Variants in BIRC6 observed in about 807,000 individuals in gnomAD.
BIRC6 encodes dual E2 ubiquitin-conjugating enzyme/E3 ubiquitin-protein ligase BIRC6.
BIRC6 carries 98 observed loss-of-function variants against 503.3 expected under a neutral mutation model. That is an observed-to-expected ratio of 0.19 (90% CI 0.17 to 0.23). BIRC6 has a LOEUF of 0.23. Among genes scored for constraint, BIRC6 ranks in the 10% least tolerant of loss-of-function variants. The pLI, the probability that BIRC6 is intolerant of heterozygous loss-of-function variation, is 1.00. For synonymous variants in BIRC6, 2,240 were observed against 2,078.7 expected (o/e 1.08, Z -2.11); for missense variants, 5,360 against 5,806.0 (o/e 0.92, Z 2.50).
intron 32 of BIRC6, among the ~76,000 whole-genome samples, chr2:32,472,097 C>T (rs1015655784): frequency 2.6e-5 from 4 of 152,302 alleles, no homozygotes; most frequent in East Asian, 3.9e-4. Flanking sequence ...AGTCTTGTCT[C>T]GTTCTGTGGC....
At chr2:32,512,717 A>T (rs1282141770) in intron 53 of BIRC6, among the ~76,000 whole-genome samples, 1 of 152,140 alleles carries the variant, frequency 6.6e-6, no homozygotes, top group East Asian at 1.9e-4. Context: ...TTGATGGTTG[A>T]AATTGGTAAG....
intron 23 of BIRC6, among the ~76,000 whole-genome samples, chr2:32,457,214 A>G (rs772325190): frequency 5.9e-5 from 9 of 152,070 alleles, no homozygotes; most frequent in Non-Finnish European, 1.0e-4. Context: ...TATGTTTTAG[A>G]TATACTTTTT....
chr2:32,445,743 A>AAT (rs2045880321), intron 21 of BIRC6, 75 bp downstream of exon 21: 1 of 1,074,314 alleles, frequency 9.3e-7, no homozygotes, highest in Non-Finnish European at 1.2e-6. Flanking sequence ...ACTGTTATTT[A>AAT]ATATATATAT....
At chr2:32,381,574 C>G (rs920668101) in intron 3 of BIRC6, among the ~76,000 whole-genome samples, 6 of 141,504 alleles carry the variant, frequency 4.2e-5, no homozygotes, top group Admixed American at 3.6e-4. Context: ...GAGACAGAGT[C>G]TCACTCTGTA....
intron 44 of BIRC6, among the ~76,000 whole-genome samples, chr2:32,493,207 T>C (rs1305900758): frequency 6.6e-6 from 1 of 152,070 alleles, no homozygotes; most frequent in Non-Finnish European, 1.5e-5. Context: ...TGAAAATCTA[T>C]GTTGAAGTTA....
chr2:32,534,356 A>G (rs926983624), intron 61 of BIRC6, among the ~76,000 whole-genome samples: 3 of 146,832 alleles, frequency 2.0e-5, no homozygotes, highest in African/African-American at 7.6e-5. Context: ...CTTGGGTGAC[A>G]AGAGTGAAAT....
intron 61 of BIRC6, among the ~76,000 whole-genome samples, chr2:32,537,204 T>C (rs866824354): frequency 6.6e-6 from 1 of 152,092 alleles, no homozygotes; most frequent in Non-Finnish European, 1.5e-5. Flanking sequence ...TAACACCCCA[T>C]TGTCAACATT....
rs1198078870 is a variant in BIRC6, at chr2:32,617,996, G to A, written c.*92G>A. On this transcript the variant is annotated 3_prime_UTR_variant, in exon 74 of 74. Transcript: ENST00000421745. Reference sequence around the variant, plus strand: ...TATGTAAGAAACTAATTATGTAATAGGTAATGAAACTGAAACTATACTATG... The same window carrying A: ...TATGTAAGAAACTAATTATGTAATAAGTAATGAAACTGAAACTATACTATG... The A allele has an allele frequency of 7.9e-7, 1 of 1,262,306 alleles. No individual in the cohort carries two copies. Among genetic ancestry groups the A allele is most frequent in the African/African-American group, 1.5e-5 (1 of 66,576 alleles). 78.2% of individuals were successfully genotyped at this position (1,262,306 alleles called of 1,614,324 possible).
At chr2:32,478,593 T>G (rs1043928157) in intron 35 of BIRC6, 42 bp from the exon 36 acceptor site, 1 of 1,539,220 alleles carries the variant, frequency 6.5e-7, no homozygotes, top group Non-Finnish European at 8.8e-7. Flanking sequence ...AAAAAACATG[T>G]AATTGCTATT....
chr2:32,450,079 C>T (rs2046514947), intron 22 of BIRC6, among the ~76,000 whole-genome samples: 2 of 152,146 alleles, frequency 1.3e-5, no homozygotes, highest in South Asian at 4.1e-4. Context: ...GCAGTGAAAT[C>T]TGTTAGGGTG....
rs149443831 is a variant in BIRC6 at position 32,412,651 on chromosome 2, C to G, written c.1478-2118C>G. 4.2e-3 allele frequency among the ~76,000 whole-genome samples: 636 copies of G among 151,886 alleles called. 6 individuals are homozygous for G. Among genetic ancestry groups the G allele is most frequent in the African/African-American group, 0.014 (598 of 41,464 alleles). ...GATACAGTTTTGGAACTTTTTCTTC[C>G]TAGTTATTTTTTTTTTTCTAAACTG... On this transcript the variant is annotated intron_variant, in intron 9 of 73. Coordinates refer to ENST00000421745, the MANE Select transcript of BIRC6 (RefSeq NM_016252.4).
intron 65 of BIRC6, among the ~76,000 whole-genome samples, chr2:32,562,071 G>C (rs2059232251): frequency 6.6e-6 from 1 of 151,916 alleles, no homozygotes. Flanking sequence ...ATTATTTCTA[G>C]ATTTTAACAA....
chr2:32,521,539 G>A (rs1253726366), intron 57 of BIRC6, among the ~76,000 whole-genome samples: 3 of 151,662 alleles, frequency 2.0e-5, no homozygotes, highest in Admixed American at 6.6e-5. Context: ...CGCGATCTCG[G>A]CTCACTGCAA....
chr2:32,562,050 A>G (rs2150717748), intron 65 of BIRC6, among the ~76,000 whole-genome samples: 1 of 152,226 alleles, frequency 6.6e-6, no homozygotes, highest in African/African-American at 2.4e-5. Flanking sequence ...TTAAAAAAAA[A>G]TAAAATTATT....
intron 1 of BIRC6, among the ~76,000 whole-genome samples, chr2:32,364,966 A>T (rs1320929342): frequency 6.6e-6 from 1 of 152,090 alleles, no homozygotes; most frequent in Non-Finnish European, 1.5e-5. Context: ...CGGCATTCCT[A>T]CTCTCAACTA....
At chr2:32,593,306 ACTTAAAC>A (rs2061494613) in intron 66 of BIRC6, among the ~76,000 whole-genome samples, 1 of 152,208 alleles carries the variant, frequency 6.6e-6, no homozygotes. Flanking sequence ...TGTCCTATAT[ACTTAAAC>A]CTTGCTGTAA....
chr2:32,465,028 A>C, intron 25 of BIRC6, 37 bp from the exon 26 acceptor site: 1 of 1,382,326 alleles, frequency 7.2e-7, no homozygotes, highest in Admixed American at 2.2e-5. Context: ...TAGTAATATC[A>C]ATATAAAGTT....
rs965507720 is a variant in BIRC6, at chr2:32,416,178, T to A, written c.2872+15T>A. On this transcript the variant is annotated intron_variant, in intron 10 of 73. Coordinates refer to ENST00000421745, the MANE Select transcript of BIRC6 (RefSeq NM_016252.4). The stretch of plus-strand genomic sequence containing the variant: ...ATGCACCAAAGGTAAGTTGTCTGAT[T>A]ATGCTATAAATCTTATAAAATCCAT... The A allele has an allele frequency of 6.4e-7, 1 of 1,562,090 alleles. No homozygotes were observed. Among genetic ancestry groups the A allele is most frequent in the Non-Finnish European group, 8.7e-7 (1 of 1,155,588 alleles).
intron 15 of BIRC6, 149 bp downstream of exon 15, chr2:32,436,333 C>T (rs140265401): frequency 1.2e-5 from 8 of 672,848 alleles, no homozygotes; most frequent in East Asian, 3.1e-5. Context: ...AGGTCATTTC[C>T]TGTCATAAAG....
Sources: allele counts gnomAD v4.1 joint callset (sites outside exome capture counted in the v4.1 genomes callset), GRCh38; gene constraint gnomAD v4.1.1; transcripts MANE v1.5; gene names NCBI Gene and HGNC (gene_info 2026-07-23, HGNC 2026-07-21).